KCTD1: variants seen among roughly 807,000 people sequenced by gnomAD.
KCTD1 encodes the protein potassium channel tetramerization domain containing 1.
KCTD1 carries 24 observed loss-of-function variants against 66.0 expected under a neutral mutation model. The observed-to-expected ratio is 0.36, with a 90% CI of 0.26 to 0.51. The LOEUF (loss-of-function observed/expected upper bound fraction) is 0.51. KCTD1 is among the 20% of genes least tolerant of loss of function. The probability of loss-of-function intolerance (pLI) is 0.95; values close to 1 mark genes in which losing one functional copy is unlikely to be tolerated. For missense variants in KCTD1, 943 were observed against 1,205.2 expected, an observed-to-expected ratio of 0.78 and a Z score of 3.22; for synonymous variants, 511 against 517.2, an observed-to-expected ratio of 0.99 and a Z score of 0.16.
intron 1 of KCTD1, among the ~76,000 whole-genome samples, chr18:26,506,718 A>AGG (rs922419170): frequency 2.0e-5 from 3 of 152,182 alleles, no homozygotes; most frequent in African/African-American, 7.2e-5. Context: ...TTGGGAGCTA[A>AGG]GACCCCACAA....
chr18:26,647,310 C>T (rs1568020008), intron 1 of KCTD1, among the ~76,000 whole-genome samples: 1 of 145,058 alleles, frequency 6.9e-6, no homozygotes. Context: ...AGTTCAAGGC[C>T]AGCCTGGCCA....
intron 1 of KCTD1, among the ~76,000 whole-genome samples, chr18:26,589,625 C>T (rs1211949016): frequency 6.6e-6 from 1 of 152,104 alleles, no homozygotes; most frequent in Non-Finnish European, 1.5e-5. Flanking sequence ...ATGGCCTAGC[C>T]GTTGGCCACT....
chr18:26,526,492 T>C (rs534971721), intron 1 of KCTD1, among the ~76,000 whole-genome samples: 2 of 152,294 alleles, frequency 1.3e-5, no homozygotes, highest in Admixed American at 6.5e-5. Flanking sequence ...GAACAGGTAT[T>C]AGAAAATATA....
intron 1 of KCTD1, among the ~76,000 whole-genome samples, chr18:26,509,370 T>C (rs558775172): frequency 6.6e-6 from 1 of 150,634 alleles, no homozygotes; most frequent in South Asian, 2.1e-4. Context: ...CTACTTATTC[T>C]TTTTTTTAAG....
chr18:26,641,400 A>G (rs1987831975), upstream of KCTD1, among the ~76,000 whole-genome samples: 1 of 152,200 alleles, frequency 6.6e-6, no homozygotes. Flanking sequence ...TAGACACCAG[A>G]AGCTCCTCTG....
chr18:26,456,556 C>T (rs1445324773), intron 4 of KCTD1: 2 of 152,036 alleles, frequency 1.3e-5, no homozygotes, highest in Non-Finnish European at 2.9e-5. Flanking sequence ...GATTTATTGC[C>T]CTGCATTCAT....
At chr18:26,493,982 C>T (rs1415732353) in intron 2 of KCTD1, among the ~76,000 whole-genome samples, 1 of 152,192 alleles carries the variant, frequency 6.6e-6, no homozygotes, top group Non-Finnish European at 1.5e-5. Flanking sequence ...GGCTGTCCTT[C>T]GCCCTTGCCC....
In KCTD1 at chr18:26,495,938, G is replaced by A. The variant is rs559805080; in HGVS notation, c.1988+5134C>T. Among the ~76,000 whole-genome samples the A allele has an allele frequency of 3.7e-3, 556 of 152,298 alleles. 3 individuals are homozygous for A. Among genetic ancestry groups the A allele is most frequent in the Non-Finnish European group, 6.3e-3 (427 of 68,030 alleles). On this transcript the variant is annotated intron_variant, in intron 2 of 4. Transcript: ENST00000580059. The stretch of plus-strand genomic sequence containing the variant: ...AAGATTGTTTTTGTTGGAGGTAATA[G>A]TAGAGAATGAATAGATCTAACTTTG...
At chr18:26,570,224 C>A (rs1986075770) in intron 1 of KCTD1, among the ~76,000 whole-genome samples, 2 of 136,006 alleles carry the variant, frequency 1.5e-5, no homozygotes, top group Non-Finnish European at 1.6e-5. Flanking sequence ...ATGATTTCAG[C>A]AATTCAAACC....
intron 3 of KCTD1, among the ~76,000 whole-genome samples, chr18:26,465,762 T>C (rs1279796531): frequency 6.6e-6 from 1 of 152,058 alleles, no homozygotes; most frequent in Non-Finnish European, 1.5e-5. Flanking sequence ...GAGCTAGGCC[T>C]GATGTCTAGG....
At chr18:26,517,932 T>C (rs1246208335) in intron 1 of KCTD1, among the ~76,000 whole-genome samples, 1 of 152,104 alleles carries the variant, frequency 6.6e-6, no homozygotes, top group African/African-American at 2.4e-5. Context: ...AGACTCAGAG[T>C]GGGTGGGGTG....
rs549964422 is a variant in KCTD1 at position 26,463,875 on chromosome 18, A to AT, written c.2134-3951dup. Among the ~76,000 whole-genome samples, 521 of 152,278 alleles carry AT rather than the reference A, an allele frequency of 3.4e-3. 3 individuals are homozygous for AT. The highest frequency in any genetic ancestry group is 6.0e-3 in the Admixed American group (92 of 15,300). On this transcript the variant is annotated intron_variant, in intron 3 of 4. Coordinates refer to ENST00000580059, the MANE Select transcript of KCTD1 (RefSeq NM_001142730.3). ...TTTAAATAATTTAAGATTTACAATG[A>AT]TTTTTTTGAGGCAGGAAGATCAAGA...
chr18:26,588,934 G>A (rs1360785428), intron 1 of KCTD1, among the ~76,000 whole-genome samples: 3 of 151,084 alleles, frequency 2.0e-5, no homozygotes, highest in East Asian at 2.0e-4. Flanking sequence ...AGGTCCATGC[G>A]GCTTGGCTTA....
At chr18:26,549,731 A>T, upstream of KCTD1, 1 of 985,382 alleles carries the variant, frequency 1.0e-6, no homozygotes, top group African/African-American at 1.7e-5. Flanking sequence ...ACTCTCACTC[A>T]AAGTTTGCCA....
Position 26,563,346 on chromosome 18 carries a change from C to T in KCTD1, c.-15-62096G>A, listed in dbSNP as rs140032938. Among the ~76,000 whole-genome samples, 7 of 152,274 alleles carry T rather than the reference C, an allele frequency of 4.6e-5. No homozygotes were observed. The East Asian group carries it at 1.4e-3, about 29-fold the overall frequency. ...TGAAAACCAACAAACCAAACTATAA[C>T]GTACTCCCTGCCTACTCCTTTACAG... On this transcript the variant is annotated intron_variant, in intron 1 of 4. Coordinates refer to the KCTD1 transcript ENST00000317932.
In KCTD1 at chr18:26,656,552, G is replaced by A. The variant is rs1423031023; in HGVS notation, c.9+808C>T. Among the ~76,000 whole-genome samples, 6 of 150,250 alleles carry A rather than the reference G, an allele frequency of 4.0e-5. No homozygotes were observed. The East Asian group carries it at 1.2e-3, about 29-fold the overall frequency. On this transcript the variant is annotated intron_variant, in intron 1 of 4. Transcript: ENST00000580191. Reference sequence around the variant, plus strand: ...GGACCAGCCCGGCCGGCGACGAAGAGCGCCGGGCACCGGCCGCGGCCCACA... The same window carrying A: ...GGACCAGCCCGGCCGGCGACGAAGAACGCCGGGCACCGGCCGCGGCCCACA...
At chr18:26,609,750 T>A (rs1987093622) in intron 1 of KCTD1, among the ~76,000 whole-genome samples, 1 of 152,190 alleles carries the variant, frequency 6.6e-6, no homozygotes, top group South Asian at 2.1e-4. Flanking sequence ...GCCTTCAAAT[T>A]CCAGAAAGAG....
At chr18:26,460,747 TTAAAA>T (rs1980377417) in intron 3 of KCTD1, 1 of 152,206 alleles carries the variant, frequency 6.6e-6, no homozygotes, top group South Asian at 2.1e-4. Flanking sequence ...TCCTCCAGCC[TTAAAA>T]TAATCTGTTG....
At chr18:26,587,434 G>T (rs919132706) in intron 1 of KCTD1, among the ~76,000 whole-genome samples, 1 of 152,146 alleles carries the variant, frequency 6.6e-6, no homozygotes, top group Non-Finnish European at 1.5e-5. Context: ...GATTAATGTT[G>T]TTTTCATGTC....
Sources: allele counts gnomAD v4.1 joint callset (sites outside exome capture counted in the v4.1 genomes callset), GRCh38; gene constraint gnomAD v4.1.1; transcripts MANE v1.5; gene names NCBI Gene and HGNC (gene_info 2026-07-23, HGNC 2026-07-21).